The following PVT1 variants were observed in gnomAD, a reference collection of about 807,000 sequenced individuals.
PVT1 encodes CXCR4/PVT1 fusion.
At chr8:127,891,670 C>T (rs1265323497) in intron 3 of PVT1, among the ~76,000 whole-genome samples, 1 of 152,144 alleles carries the variant, frequency 6.6e-6, no homozygotes, top group South Asian at 2.1e-4. Context: ...GTGATGTTGG[C>T]TGGGGGTAGC....
chr8:127,899,640 C>T (rs1815733900), intron 3 of PVT1, among the ~76,000 whole-genome samples: 1 of 152,156 alleles, frequency 6.6e-6, no homozygotes, highest in African/African-American at 2.4e-5. Flanking sequence ...AGAGCAGAGC[C>T]TGACTTTTGA....
intron 3 of PVT1, among the ~76,000 whole-genome samples, chr8:127,939,228 G>A (rs1293616612): frequency 1.3e-5 from 2 of 152,158 alleles, no homozygotes; most frequent in African/African-American, 2.4e-5. Flanking sequence ...ATGTACAAAG[G>A]TGGGGCTGTG....
intron 3 of PVT1, among the ~76,000 whole-genome samples, chr8:127,973,337 G>A (rs573929416): frequency 3.9e-5 from 6 of 152,298 alleles, no homozygotes; most frequent in East Asian, 1.9e-4. Context: ...TTAGTGAGCC[G>A]CGACTACTGC....
chr8:127,897,957 A>G (rs1815707179), intron 3 of PVT1, among the ~76,000 whole-genome samples: 1 of 151,186 alleles, frequency 6.6e-6, no homozygotes, highest in Non-Finnish European at 1.5e-5. Context: ...GAAGGAAGGA[A>G]GGAAAGAAGG....
intron 5 of PVT1, among the ~76,000 whole-genome samples, chr8:128,074,535 AAG>A (rs1031960498): frequency 2.2e-5 from 3 of 139,030 alleles, no homozygotes; most frequent in East Asian, 2.3e-4. Context: ...AAAAAAAAAA[AAG>A]GGGGGGGCTC....
intron 4 of PVT1, among the ~76,000 whole-genome samples, chr8:128,030,282 A>G (rs952365898): frequency 1.3e-5 from 2 of 152,256 alleles, no homozygotes; most frequent in Admixed American, 6.5e-5. Context: ...TATTATGTAC[A>G]TATGTAATGC....
intron 4 of PVT1, among the ~76,000 whole-genome samples, chr8:128,006,979 G>T (rs539477507): frequency 6.6e-6 from 1 of 152,218 alleles, no homozygotes; most frequent in African/African-American, 2.4e-5. Flanking sequence ...TTGCTGCTGT[G>T]CTATCCTTGA....
At chr8:127,985,392 G>A (rs953376017) in intron 3 of PVT1, among the ~76,000 whole-genome samples, 1 of 151,142 alleles carries the variant, frequency 6.6e-6, no homozygotes, top group African/African-American at 2.4e-5. Flanking sequence ...CTCCCAAAGA[G>A]CTGGGATTAC....
intron 4 of PVT1, among the ~76,000 whole-genome samples, chr8:128,052,722 T>C (rs1287192901): frequency 2.6e-5 from 4 of 152,244 alleles, no homozygotes; most frequent in African/African-American, 9.6e-5. Context: ...TTTACCACAG[T>C]CATAACAATA....
chr8:128,078,068 T>C (rs376639352), intron 5 of PVT1, among the ~76,000 whole-genome samples: 1 of 152,210 alleles, frequency 6.6e-6, no homozygotes, highest in Non-Finnish European at 1.5e-5. Context: ...CCAGGCTTGC[T>C]GGTGGAGCTT....
chr8:127,994,774 G>C (rs1482970145), intron 4 of PVT1, among the ~76,000 whole-genome samples: 1 of 151,266 alleles, frequency 6.6e-6, no homozygotes, highest in Non-Finnish European at 1.5e-5. Context: ...GTCCAGATTC[G>C]AAGGCCTGAG....
chr8:128,002,974 TTC>T (rs1563662854), intron 4 of PVT1, among the ~76,000 whole-genome samples: 5 of 115,110 alleles, frequency 4.3e-5, no homozygotes, highest in African/African-American at 6.6e-5. Flanking sequence ...TCCCTCTTCC[TTC>T]CTTCCTTCCT....
chr8:127,843,228 TGCCTGTAATCCCA>T (rs1427994620), intron 2 of PVT1, among the ~76,000 whole-genome samples: 1 of 152,044 alleles, frequency 6.6e-6, no homozygotes, highest in African/African-American at 2.4e-5. Context: ...TGATGGTGCA[TGCCTGTAATCCCA>T]GCTACTCAGG....
rs59006608 is a variant in PVT1 at position 127,937,580 on chromosome 8, C to CACACACACACACACACACACACACAG, written n.782+46583_782+46584insCACACACACACACACACACACACAGA. The stretch of plus-strand genomic sequence containing the variant: ...ACACACACACACACACACACACACA[C>CACACACACACACACACACACACACAG]AGAGAGAGAGAGAGAGAGAGAGAGA... On this transcript the variant is annotated intron_variant and non_coding_transcript_variant, in intron 3 of 10. Coordinates refer to ENST00000651587, the Ensembl canonical transcript of PVT1. 7.1e-4 allele frequency among the ~76,000 whole-genome samples: 77 copies of CACACACACACACACACACACACACAG among 107,848 alleles called. 1 individual carries two copies. Among genetic ancestry groups the CACACACACACACACACACACACACAG allele is most frequent in the African/African-American group, 2.8e-3 (76 of 26,992 alleles). 70.8% of individuals were successfully genotyped at this position (107,848 alleles called of 152,430 possible).
chr8:127,936,037 T>C (rs1241507728), intron 3 of PVT1, among the ~76,000 whole-genome samples: 3 of 145,880 alleles, frequency 2.1e-5, no homozygotes, highest in Non-Finnish European at 3.0e-5. Flanking sequence ...TCTCTCTCTT[T>C]TTTTTTTTTT....
Position 127,898,577 on chromosome 8 carries a change from A to G in PVT1, n.782+7579A>G, listed in dbSNP as rs1815716188. ...GTGAAGTCACCATAATTGATGGGCCACACTAGACTGGAGCCAACCATGGCC... is the reference window on the plus strand; with the variant it reads ...GTGAAGTCACCATAATTGATGGGCCGCACTAGACTGGAGCCAACCATGGCC... On this transcript the variant is annotated intron_variant and non_coding_transcript_variant, in intron 3 of 10. Transcript: ENST00000651587. This position sits in a 1 kb window ranked among gnomAD's most constrained non-coding sequence, Gnocchi z 4.4. 6.6e-6 allele frequency among the ~76,000 whole-genome samples: 1 copy of G among 152,254 alleles called. No homozygotes were observed. Among genetic ancestry groups the G allele is most frequent in the African/African-American group, 2.4e-5 (1 of 41,468 alleles).
chr8:128,029,660 C>T (rs527416989), intron 4 of PVT1, among the ~76,000 whole-genome samples: 3 of 152,112 alleles, frequency 2.0e-5, no homozygotes, highest in East Asian at 1.9e-4. Flanking sequence ...ATTAGCTGAG[C>T]GTGGTGGCGC....
intron 3 of PVT1, among the ~76,000 whole-genome samples, chr8:127,981,858 G>C (rs1024868015): frequency 5.3e-5 from 8 of 152,192 alleles, no homozygotes; most frequent in Non-Finnish European, 1.0e-4. Flanking sequence ...CCTCCCAGGA[G>C]GTGGTGCCAC....
At chr8:127,948,213 T>C in intron 3 of PVT1, 1 of 326,366 alleles carries the variant, frequency 3.1e-6, no homozygotes, top group Non-Finnish European at 6.0e-6. Context: ...TAGTAGTGTT[T>C]TCCTTCTCTT....
Sources: gnomAD v4.1 joint callset for allele counts (sites outside exome capture counted in the v4.1 genomes callset) on GRCh38, gnomAD v4.1.1 for gene constraint, Gnocchi (gnomAD v3.1) non-coding constraint, MANE v1.5 for transcripts, NCBI Gene and HGNC (gene_info 2026-07-23, HGNC 2026-07-21) for gene names.